Variants in SRPK2 observed in about 807,000 individuals in gnomAD.
SRPK2 encodes SFRS protein kinase 2.
A neutral mutation model predicts 90.8 loss-of-function variants in SRPK2; 21 were observed. The observed-to-expected ratio is 0.23, with a 90% CI of 0.16 to 0.33. The LOEUF (loss-of-function observed/expected upper bound fraction) is 0.33. SRPK2 is among the 10% of genes least tolerant of loss of function. SRPK2 has a pLI of 1.00. For synonymous variants in SRPK2, 288 were observed against 311.1 expected, an observed-to-expected ratio of 0.93 and a Z score of 0.78; for missense variants, 620 against 869.0, an observed-to-expected ratio of 0.71 and a Z score of 3.60.
chr7:105,235,057 G>T (rs994010768), intron 2 of SRPK2, among the ~76,000 whole-genome samples: 3 of 146,712 alleles, frequency 2.0e-5, no homozygotes, highest in African/African-American at 7.5e-5. Flanking sequence ...CTTATGTGTG[G>T]CCCAAGCCAA....
rs201934983 is a variant in SRPK2 at position 105,161,987 on chromosome 7, A to ACT, written c.515-1376_515-1375dup. On this transcript the variant is annotated intron_variant, in intron 6 of 15. Transcript: ENST00000393651. The stretch of plus-strand genomic sequence containing the variant: ...GGACTAGAACTCCTGGGCTAAAGAT[A>ACT]CTCTCTTGCCTTAGATTCCCAAGTA... Among the ~76,000 whole-genome samples, 464 of 152,240 alleles carry ACT rather than the reference A, an allele frequency of 3.0e-3. 13 individuals are homozygous for ACT. In the East Asian group the frequency reaches 0.062, roughly 20 times the overall value.
At chr7:105,266,884 A>T (rs1383500831) in intron 2 of SRPK2, among the ~76,000 whole-genome samples, 3 of 152,200 alleles carry the variant, frequency 2.0e-5, no homozygotes, top group Non-Finnish European at 4.4e-5. Context: ...TTTAATAAAA[A>T]GTAGGGGCAA....
chr7:105,352,045 A>G (rs182437924), intron 2 of SRPK2, among the ~76,000 whole-genome samples: 1 of 152,024 alleles, frequency 6.6e-6, no homozygotes, highest in African/African-American at 2.4e-5. Context: ...TCCTAGAGAA[A>G]ATAAGAGATT....
chr7:105,216,962 G>C (rs1797548760), intron 2 of SRPK2, among the ~76,000 whole-genome samples: 1 of 152,152 alleles, frequency 6.6e-6, no homozygotes, highest in African/African-American at 2.4e-5. Context: ...TACATGGTAG[G>C]CATTCAATAA....
At chr7:105,259,018 T>A (rs1022082562) in intron 2 of SRPK2, among the ~76,000 whole-genome samples, 9 of 152,156 alleles carry the variant, frequency 5.9e-5, no homozygotes, top group Non-Finnish European at 1.2e-4. Flanking sequence ...TTCAACATAG[T>A]GTTGGAAGTT....
intron 2 of SRPK2, chr7:105,298,886 C>A: frequency 1.5e-6 from 1 of 678,324 alleles, no homozygotes; most frequent in Non-Finnish European, 1.8e-6. Flanking sequence ...TAGGCCAACG[C>A]CTCATACTCT....
intron 12 of SRPK2, 47 bp downstream of exon 12, chr7:105,132,957 G>A (rs975434379): frequency 5.6e-6 from 9 of 1,612,208 alleles, no homozygotes; most frequent in Admixed American, 5.0e-5. Context: ...AAGTGTCTTC[G>A]CACACAGAAT....
intron 2 of SRPK2, chr7:105,245,034 A>AACAAACACACACAC (rs1554476879): frequency 7.6e-6 from 4 of 524,146 alleles, no homozygotes; most frequent in South Asian, 2.0e-5. Context: ...AAACAAAACA[A>AACAAACACACACAC]ACACACACAC....
intron 2 of SRPK2, among the ~76,000 whole-genome samples, chr7:105,254,542 T>C (rs964991310): frequency 6.6e-6 from 1 of 152,206 alleles, no homozygotes; most frequent in Non-Finnish European, 1.5e-5. Context: ...CTACAGATGA[T>C]TATTTAATAA....
At chr7:105,308,920 C>G (rs959854783) in intron 2 of SRPK2, among the ~76,000 whole-genome samples, 6 of 152,122 alleles carry the variant, frequency 3.9e-5, no homozygotes, top group African/African-American at 1.4e-4. Context: ...TCTCCTACCC[C>G]TCATACTTTC....
chr7:105,196,753 T>G (rs1224978543), intron 3 of SRPK2, among the ~76,000 whole-genome samples: 2 of 152,144 alleles, frequency 1.3e-5, no homozygotes, highest in African/African-American at 4.8e-5. Context: ...TTTTTTTTCC[T>G]TAAAAAACAA....
At chr7:105,204,360 C>T (rs1231521253) in intron 2 of SRPK2, among the ~76,000 whole-genome samples, 16 of 152,118 alleles carry the variant, frequency 1.1e-4, no homozygotes, top group Admixed American at 1.0e-3. Flanking sequence ...TTCTATAAGG[C>T]CTGTTCGAAG....
At chr7:105,390,905 ATGT>A (rs1822163689), upstream of SRPK2, among the ~76,000 whole-genome samples, 1 of 152,032 alleles carries the variant, frequency 6.6e-6, no homozygotes, top group South Asian at 2.1e-4. Flanking sequence ...ACTATAGATG[ATGT>A]TGTATTCATC....
chr7:105,159,775 C>G (rs558881663), intron 7 of SRPK2, among the ~76,000 whole-genome samples: 17 of 152,182 alleles, frequency 1.1e-4, no homozygotes, highest in Non-Finnish European at 1.9e-4. Context: ...ACAAAACACA[C>G]ATCTAATACA....
intron 7 of SRPK2, among the ~76,000 whole-genome samples, chr7:105,146,965 AC>A (rs1275737342): frequency 6.6e-6 from 1 of 152,108 alleles, no homozygotes; most frequent in Non-Finnish European, 1.5e-5. Context: ...ATTGTCTTCC[AC>A]CTCTGCCACT....
chr7:105,360,808 G>A (rs530283908), intron 2 of SRPK2, among the ~76,000 whole-genome samples: 32 of 152,110 alleles, frequency 2.1e-4, no homozygotes, highest in Middle Eastern at 3.4e-3. Context: ...AATAAATTCG[G>A]TATTGACAGA....
chr7:105,202,200 T>C (rs564886520), intron 3 of SRPK2, among the ~76,000 whole-genome samples: 1 of 152,342 alleles, frequency 6.6e-6, no homozygotes, highest in Admixed American at 6.5e-5. Flanking sequence ...ACTTTTGTAG[T>C]ACAGTAACTT....
chr7:105,344,287 C>T (rs1816185310), intron 2 of SRPK2, among the ~76,000 whole-genome samples: 2 of 124,504 alleles, frequency 1.6e-5, no homozygotes, highest in Non-Finnish European at 3.8e-5. Flanking sequence ...TATTTATGGA[C>T]ATAGAATTTT....
At chr7:105,313,001 A>G (rs989641035) in intron 2 of SRPK2, among the ~76,000 whole-genome samples, 5 of 152,190 alleles carry the variant, frequency 3.3e-5, no homozygotes, top group African/African-American at 1.2e-4. Flanking sequence ...ATAAAATTAC[A>G]CTATCACCAT....
Sources: allele counts gnomAD v4.1 joint callset (sites outside exome capture counted in the v4.1 genomes callset), GRCh38; gene constraint gnomAD v4.1.1; transcripts MANE v1.5; gene names NCBI Gene and HGNC (gene_info 2026-07-23, HGNC 2026-07-21).